Variants in ADGRL3 observed in about 807,000 individuals in gnomAD.
ADGRL3 encodes the protein adhesion G protein-coupled receptor L3.
Under a neutral mutation model 153.5 loss-of-function variants are expected in ADGRL3, and 62 were observed. That is an observed-to-expected ratio of 0.40 (90% CI 0.33 to 0.50). The LOEUF (loss-of-function observed/expected upper bound fraction) is 0.50, where lower values mean the gene tolerates loss of function less well. ADGRL3 is among the 20% of genes least tolerant of loss of function. The pLI, the probability that ADGRL3 is intolerant of heterozygous loss-of-function variation, is 0.47. For synonymous variants in ADGRL3, 710 were observed against 672.5 expected (o/e 1.06, Z -0.86); for missense variants, 1,641 against 1,859.4 (o/e 0.88, Z 2.16).
chr4:61,947,753 A>G (rs2098931437), intron 16 of ADGRL3, among the ~76,000 whole-genome samples: 1 of 152,216 alleles, frequency 6.6e-6, no homozygotes, highest in African/African-American at 2.4e-5. Context: ...TAAATTCAAC[A>G]AAGATTTCTA....
At chr4:61,698,457 C>T (rs1237961714) in intron 6 of ADGRL3, among the ~76,000 whole-genome samples, 1 of 147,494 alleles carries the variant, frequency 6.8e-6, no homozygotes, top group Non-Finnish European at 1.5e-5. Flanking sequence ...CTCAAACAAA[C>T]AACAACAACA....
intron 1 of ADGRL3, among the ~76,000 whole-genome samples, chr4:61,290,698 G>A (rs1031668324): frequency 6.7e-6 from 1 of 149,918 alleles, no homozygotes; most frequent in African/African-American, 2.5e-5. Flanking sequence ...AGGGAAGGAG[G>A]GAAGGAGGGA....
chr4:61,312,501 C>A (rs1505655), intron 1 of ADGRL3, among the ~76,000 whole-genome samples: 64 of 152,148 alleles, frequency 4.2e-4, no homozygotes, highest in African/African-American at 1.5e-3. Context: ...CAACACATAT[C>A]TGATAAAAGG....
intron 5 of ADGRL3, among the ~76,000 whole-genome samples, chr4:61,642,504 G>A (rs199498182): frequency 0.028 from 4,262 of 152,070 alleles, 148 homozygotes; most frequent in East Asian, 0.14. Context: ...CTTTCTACAT[G>A]TGGCTAGCCA....
chr4:61,610,823 C>A (rs2091241366), intron 5 of ADGRL3, among the ~76,000 whole-genome samples: 1 of 151,508 alleles, frequency 6.6e-6, no homozygotes, highest in Non-Finnish European at 1.5e-5. Flanking sequence ...AACTAGAATC[C>A]ATTTTATAGA....
rs540370650 is a variant in ADGRL3 at position 61,444,421 on chromosome 4, T to C, written c.-173-52700T>C. ...TTGATATCCCCAGCCAGCCCCTGAC[T>C]GGAGCTCACCATGTTTTTTTGTTCT... On this transcript the variant is annotated intron_variant, in intron 2 of 26. Transcript: ENST00000683033. Among the ~76,000 whole-genome samples, 18 of 152,306 alleles carry C rather than the reference T, an allele frequency of 1.2e-4. 1 individual carries two copies. Among genetic ancestry groups the C allele is most frequent in the Middle Eastern group, 6.8e-3 (2 of 294 alleles).
intron 5 of ADGRL3, among the ~76,000 whole-genome samples, chr4:61,675,281 A>T (rs1201986159): frequency 6.6e-6 from 1 of 151,922 alleles, no homozygotes; most frequent in Non-Finnish European, 1.5e-5. Context: ...TCCTTAAGGA[A>T]TTAACAGAAG....
intron 2 of ADGRL3, among the ~76,000 whole-genome samples, chr4:61,445,005 T>C (rs1343175658): frequency 1.3e-5 from 2 of 151,614 alleles, no homozygotes; most frequent in Non-Finnish European, 2.9e-5. Flanking sequence ...TGAACAATGA[T>C]CATGTCACTG....
intron 1 of ADGRL3, among the ~76,000 whole-genome samples, chr4:61,215,053 G>C (rs1426470839): frequency 6.6e-6 from 1 of 152,172 alleles, no homozygotes; most frequent in Non-Finnish European, 1.5e-5. Context: ...TTCCAGTAAT[G>C]CTGGTACCTA....
chr4:62,007,078 C>G (rs978351488), intron 21 of ADGRL3, among the ~76,000 whole-genome samples: 1 of 151,874 alleles, frequency 6.6e-6, no homozygotes, highest in Non-Finnish European at 1.5e-5. Context: ...ATGACTTCTT[C>G]AGCTCCAAGC....
chr4:61,348,736 C>T (rs899418068), intron 1 of ADGRL3, among the ~76,000 whole-genome samples: 2 of 151,896 alleles, frequency 1.3e-5, no homozygotes, highest in Middle Eastern at 3.2e-3. Flanking sequence ...ATGACTATAC[C>T]ACTTTATTAG....
intron 9 of ADGRL3, among the ~76,000 whole-genome samples, chr4:61,873,539 G>A (rs1190265616): frequency 1.3e-5 from 2 of 152,090 alleles, no homozygotes. Context: ...ATTGAAAAAA[G>A]CATAATCTGT....
At chr4:61,783,657 G>A (rs1046658417) in intron 8 of ADGRL3, among the ~76,000 whole-genome samples, 1 of 151,988 alleles carries the variant, frequency 6.6e-6, no homozygotes, top group African/African-American at 2.4e-5. Context: ...TAAAGTAAGA[G>A]CCTTGGCCCC....
intron 15 of ADGRL3, among the ~76,000 whole-genome samples, chr4:61,938,862 C>CA (rs71213019): frequency 0.23 from 16,580 of 71,222 alleles, 1,719 homozygotes; most frequent in Non-Finnish European, 0.3. Flanking sequence ...CCCTCCTCCT[C>CA]AAAAAAAAAA....
chr4:61,835,229 C>T (rs1026433410), intron 9 of ADGRL3, among the ~76,000 whole-genome samples: 2 of 148,302 alleles, frequency 1.3e-5, no homozygotes, highest in Non-Finnish European at 3.0e-5. Flanking sequence ...GTTTTTTTTC[C>T]AAAACGAGTT....
At chr4:61,755,737 T>A (rs1386043794) in intron 8 of ADGRL3, among the ~76,000 whole-genome samples, 11 of 152,028 alleles carry the variant, frequency 7.2e-5, no homozygotes, top group Admixed American at 1.3e-4. Context: ...TTATTCTAGG[T>A]TTTTTATGGT....
intron 4 of ADGRL3, among the ~76,000 whole-genome samples, chr4:61,530,859 GC>G (rs2098608480): frequency 3.9e-5 from 6 of 152,156 alleles, no homozygotes; most frequent in Non-Finnish European, 7.4e-5. Context: ...AACACCTGGT[GC>G]TTAAAAGTAC....
chr4:61,274,280 C>G (rs2093353754), intron 1 of ADGRL3, among the ~76,000 whole-genome samples: 1 of 152,090 alleles, frequency 6.6e-6, no homozygotes. Flanking sequence ...ATGATAAATG[C>G]TAACATTATC....
At chr4:61,496,454 G>A (rs1240082578) in intron 2 of ADGRL3, among the ~76,000 whole-genome samples, 6 of 151,680 alleles carry the variant, frequency 4.0e-5, no homozygotes, top group Non-Finnish European at 7.4e-5. Flanking sequence ...ACCTGAGGTC[G>A]GGAGTTCAAG....
Sources: gnomAD v4.1 joint callset for allele counts (sites outside exome capture counted in the v4.1 genomes callset) on GRCh38, gnomAD v4.1.1 for gene constraint, MANE v1.5 for transcripts, NCBI Gene and HGNC (gene_info 2026-07-23, HGNC 2026-07-21) for gene names.